The following KDM4C variants were observed in gnomAD, a reference collection of about 807,000 sequenced individuals.
KDM4C encodes lysine demethylase 4C.
Under a neutral mutation model 129.3 loss-of-function variants are expected in KDM4C, and 81 were observed. The observed-to-expected ratio is 0.63, with a 90% CI of 0.52 to 0.75. The LOEUF (loss-of-function observed/expected upper bound fraction) is 0.75, where lower values mean the gene tolerates loss of function less well. Among genes scored for constraint, KDM4C ranks in the 30% least tolerant of loss-of-function variants. The probability of loss-of-function intolerance (pLI) is 0.00; values close to 1 mark genes in which losing one functional copy is unlikely to be tolerated. For synonymous variants in KDM4C, 573 were observed against 456.1 expected (o/e 1.26, Z -3.26); for missense variants, 1,457 against 1,304.0 (o/e 1.12, Z -1.81).
chr9:7,030,664 G>A (rs1826574525), intron 15 of KDM4C, among the ~76,000 whole-genome samples: 1 of 152,166 alleles, frequency 6.6e-6, no homozygotes, highest in Admixed American at 6.5e-5. Context: ...AGGCCTTACT[G>A]TAACCCTGTC....
At position 6,777,287 on chromosome 9, in the gene KDM4C, C is replaced by G. The variant is rs372169296; in HGVS notation, c.-17-15685C>G. Among the ~76,000 whole-genome samples the G allele has an allele frequency of 2.6e-5, 4 of 152,190 alleles. No homozygotes were observed. The East Asian group carries it at 5.8e-4, about 22-fold the overall frequency. ...GCTCTCTACTCCTTTCTGCCACTTA[C>G]GTTCTCAGCAAAACCTCAGTAACTG... On this transcript the variant is annotated intron_variant, in intron 1 of 21. Coordinates refer to ENST00000381309, the MANE Select transcript of KDM4C (RefSeq NM_015061.6).
intron 18 of KDM4C, among the ~76,000 whole-genome samples, chr9:7,105,671 G>A (rs779531619): frequency 6.6e-6 from 1 of 152,286 alleles, no homozygotes; most frequent in African/African-American, 2.4e-5. Flanking sequence ...AATGGTGCTA[G>A]AGGTGTTCAT....
intron 17 of KDM4C, among the ~76,000 whole-genome samples, chr9:7,098,053 A>G (rs1836655388): frequency 6.6e-6 from 1 of 152,222 alleles, no homozygotes; most frequent in East Asian, 1.9e-4. Flanking sequence ...ACAAAGTATG[A>G]CTGTGCTGTT....
chr9:7,079,770 G>C (rs1203673967), intron 17 of KDM4C, among the ~76,000 whole-genome samples: 1 of 152,162 alleles, frequency 6.6e-6, no homozygotes, highest in African/African-American at 2.4e-5. Context: ...GTGTATTCCA[G>C]GGTTAAATGA....
intron 4 of KDM4C, among the ~76,000 whole-genome samples, chr9:6,832,110 G>A (rs1038833146): frequency 3.9e-5 from 6 of 152,004 alleles, no homozygotes; most frequent in African/African-American, 1.2e-4. Context: ...AGTCTGAGGC[G>A]GGTGGATCAC....
intron 17 of KDM4C, chr9:7,077,330 A>G (rs113383473): frequency 1.2e-4 from 73 of 616,126 alleles, no homozygotes; most frequent in African/African-American, 1.2e-3. Flanking sequence ...TTGTCATCCT[A>G]TGCCCCTCCC....
At chr9:6,924,634 A>G in intron 8 of KDM4C, 1 of 445,706 alleles carries the variant, frequency 2.2e-6, no homozygotes, top group Non-Finnish European at 3.0e-6. Flanking sequence ...TCCCTTAATT[A>G]GATCTTCTCT....
intron 1 of KDM4C, among the ~76,000 whole-genome samples, chr9:6,733,281 G>T (rs1817411100): frequency 6.6e-6 from 1 of 152,202 alleles, no homozygotes; most frequent in South Asian, 2.1e-4. Flanking sequence ...ATGCTGGCTG[G>T]ACCAGCTGGG....
chr9:7,026,883 A>AC (rs1825903742), intron 15 of KDM4C, among the ~76,000 whole-genome samples: 1 of 151,894 alleles, frequency 6.6e-6, no homozygotes, highest in African/African-American at 2.4e-5. Context: ...CAAGACTTTG[A>AC]TGCATTCTTC....
At chr9:7,088,212 C>T (rs1471159662) in intron 17 of KDM4C, among the ~76,000 whole-genome samples, 1 of 152,172 alleles carries the variant, frequency 6.6e-6, no homozygotes, top group Admixed American at 6.5e-5. Flanking sequence ...CTCGGAAGGA[C>T]CCTTAAAGTG....
At position 6,987,389 on chromosome 9, in the gene KDM4C, C is replaced by A. The variant is rs528104909; in HGVS notation, c.1677+723C>A. ...TTGTCCTTGTACAGTATTAATATTC[C>A]ATATTCAGTAGAAACTGTCCATGTA... On this transcript the variant is annotated intron_variant, in intron 11 of 21. Coordinates refer to ENST00000381309, the MANE Select transcript of KDM4C (RefSeq NM_015061.6). Among the ~76,000 whole-genome samples, 6 of 152,242 alleles carry A rather than the reference C, an allele frequency of 3.9e-5. No individual in the cohort carries two copies. The South Asian group carries it at 1.2e-3, about 32-fold the overall frequency.
intron 6 of KDM4C, among the ~76,000 whole-genome samples, chr9:6,883,620 T>C (rs1004818411): frequency 3.9e-5 from 6 of 152,170 alleles, no homozygotes; most frequent in African/African-American, 1.4e-4. Context: ...ACATAATTCA[T>C]TTGTGAGTGA....
At chr9:6,889,940 C>T (rs73405234) in intron 7 of KDM4C, among the ~76,000 whole-genome samples, 2,369 of 152,218 alleles carry the variant, frequency 0.016, 66 homozygotes, top group African/African-American at 0.054. Context: ...CATGGTAGAT[C>T]GCTGGAGGCA....
chr9:6,857,582 C>T (rs1478097940), intron 5 of KDM4C, among the ~76,000 whole-genome samples: 1 of 152,096 alleles, frequency 6.6e-6, no homozygotes, highest in Non-Finnish European at 1.5e-5. Context: ...GTTGGAAAGT[C>T]TCACTCTTTT....
chr9:6,930,495 CAT>C (rs560750268), intron 8 of KDM4C, among the ~76,000 whole-genome samples: 83 of 149,518 alleles, frequency 5.6e-4, no homozygotes, highest in South Asian at 5.0e-3. Context: ...AAATATATAA[CAT>C]ATGTATCATA....
intron 18 of KDM4C, among the ~76,000 whole-genome samples, chr9:7,118,883 G>A (rs1429021106): frequency 1.3e-5 from 2 of 152,126 alleles, no homozygotes; most frequent in Non-Finnish European, 2.9e-5. Context: ...CCTTCCAGAT[G>A]TAAACACAGG....
intron 1 of KDM4C, among the ~76,000 whole-genome samples, chr9:6,789,500 G>C (rs1427461384): frequency 6.6e-6 from 1 of 151,896 alleles, no homozygotes; most frequent in South Asian, 2.1e-4. Flanking sequence ...GATTACAGGC[G>C]TGAGCCACTG....
chr9:6,752,533 C>A (rs1818108460), intron 1 of KDM4C, among the ~76,000 whole-genome samples: 3 of 150,478 alleles, frequency 2.0e-5, no homozygotes, highest in Admixed American at 1.3e-4. Context: ...GCCTCAGCCT[C>A]CTGAGTAGCT....
At chr9:6,972,394 C>T (rs1031518895) in intron 8 of KDM4C, among the ~76,000 whole-genome samples, 1 of 152,040 alleles carries the variant, frequency 6.6e-6, no homozygotes, top group Non-Finnish European at 1.5e-5. Context: ...AATCAGTTTA[C>T]ATGGTTATAC....
Sources: gnomAD v4.1 joint callset for allele counts (sites outside exome capture counted in the v4.1 genomes callset) on GRCh38, gnomAD v4.1.1 for gene constraint, MANE v1.5 for transcripts, NCBI Gene and HGNC (gene_info 2026-07-23, HGNC 2026-07-21) for gene names.